Variants in LRP1B observed in about 807,000 individuals in gnomAD.
The protein encoded by LRP1B is low-density lipoprotein receptor-related protein 1B.
Under a neutral mutation model 556.6 loss-of-function variants are expected in LRP1B, and 217 were observed. The ratio of observed to expected loss-of-function variants is 0.39; its 90% CI spans 0.35 to 0.44. LRP1B has a LOEUF of 0.44. LRP1B is among the 20% of genes least tolerant of loss of function. LRP1B has a pLI of 1.00. For missense variants in LRP1B, 5,053 were observed against 5,620.8 expected (o/e 0.90, Z 3.23); for synonymous variants, 2,047 against 1,865.8 (o/e 1.10, Z -2.50).
At chr2:141,641,440 T>C (rs958393725) in intron 2 of LRP1B, among the ~76,000 whole-genome samples, 1 of 152,220 alleles carries the variant, frequency 6.6e-6, no homozygotes, top group East Asian at 1.9e-4. Flanking sequence ...AATATTCATT[T>C]TATTTTCATT....
chr2:141,278,165 A>G (rs1307043173), intron 3 of LRP1B, among the ~76,000 whole-genome samples: 2 of 152,124 alleles, frequency 1.3e-5, no homozygotes, highest in Admixed American at 1.3e-4. Flanking sequence ...AAGGAAAAAA[A>G]TATAATAAAG....
chr2:140,523,513 A>G (rs1308322864), intron 49 of LRP1B, among the ~76,000 whole-genome samples: 3 of 151,282 alleles, frequency 2.0e-5, no homozygotes, highest in Non-Finnish European at 4.4e-5. Flanking sequence ...CCTTTTCAAC[A>G]TAGTATAGGA....
At chr2:141,390,202 T>C (rs1294038909) in intron 3 of LRP1B, among the ~76,000 whole-genome samples, 4 of 152,140 alleles carry the variant, frequency 2.6e-5, no homozygotes, top group African/African-American at 7.2e-5. Context: ...ATGCTCAACA[T>C]CATTCATCAT....
At chr2:141,167,496 T>C (rs1223851714) in intron 7 of LRP1B, 1 of 151,824 alleles carries the variant, frequency 6.6e-6, no homozygotes, top group Non-Finnish European at 1.5e-5. Context: ...CTTCATTTCT[T>C]CTTTCCAGGC....
chr2:141,375,769 G>A (rs1388235006), intron 3 of LRP1B, among the ~76,000 whole-genome samples: 8 of 152,134 alleles, frequency 5.3e-5, no homozygotes, highest in Non-Finnish European at 7.4e-5. Context: ...GCAAGAAGCC[G>A]TGGGTGGTGC....
At chr2:140,978,257 T>C (rs557748523) in intron 18 of LRP1B, among the ~76,000 whole-genome samples, 44 of 152,294 alleles carry the variant, frequency 2.9e-4, no homozygotes, top group Non-Finnish European at 4.3e-4. Context: ...TAAATTCCAG[T>C]GAAAACCTGA....
chr2:140,770,797 G>C (rs1251136394), intron 34 of LRP1B, 84 bp downstream of exon 34: 1 of 1,170,562 alleles, frequency 8.5e-7, no homozygotes, highest in Non-Finnish European at 1.2e-6. Flanking sequence ...ATGTTTAACT[G>C]ACTTTGGTTG....
chr2:140,476,666 A>G (rs1161104815), intron 59 of LRP1B, among the ~76,000 whole-genome samples: 2 of 152,036 alleles, frequency 1.3e-5, no homozygotes, highest in Admixed American at 1.3e-4. Flanking sequence ...TATAAAGATA[A>G]TACAAAAGTT....
At position 141,521,523 on chromosome 2, in the gene LRP1B, T is replaced by TG. The variant is rs1344052038; in HGVS notation, c.206-40991_206-40990insC. ...TCATCTTTACTTGGAAGTAATTTTT[T>TG]TTATTTCTAATGATTAAATAGAGTA... On this transcript the variant is annotated intron_variant, in intron 2 of 90. Transcript: ENST00000389484. 2.0e-5 allele frequency among the ~76,000 whole-genome samples: 3 copies of TG among 151,734 alleles called. No individual in the cohort carries two copies. The East Asian group carries it at 5.8e-4, about 29-fold the overall frequency.
rs71391673 is a variant in LRP1B, at chr2:142,107,459, G to GC, written c.82+23188dup. On this transcript the variant is annotated intron_variant, in intron 1 of 90. Coordinates refer to ENST00000389484, the MANE Select transcript of LRP1B (RefSeq NM_018557.3). ...TGCTATGGGCTGACGCAGCAAAAGG[G>GC]CCCCACCAGATGCTGACACCTTAAT... 7.4e-3 allele frequency among the ~76,000 whole-genome samples: 1,125 copies of GC among 152,142 alleles called. 14 individuals carry two copies. The highest frequency in any genetic ancestry group is 0.014 in the Non-Finnish European group (925 of 67,998).
intron 3 of LRP1B, among the ~76,000 whole-genome samples, chr2:141,379,187 A>T (rs144051545): frequency 3.9e-5 from 6 of 152,300 alleles, no homozygotes; most frequent in African/African-American, 1.4e-4. Context: ...AGAACACGTG[A>T]AGACTGGAAT....
At chr2:140,928,433 C>T (rs932467077) in intron 20 of LRP1B, among the ~76,000 whole-genome samples, 4 of 152,082 alleles carry the variant, frequency 2.6e-5, no homozygotes, top group Non-Finnish European at 5.9e-5. Flanking sequence ...CTGTGGTGGT[C>T]ATTCAAAGAC....
chr2:140,248,003 C>T (rs1429815551), intron 86 of LRP1B, among the ~76,000 whole-genome samples: 2 of 151,448 alleles, frequency 1.3e-5, no homozygotes, highest in African/African-American at 4.8e-5. Context: ...CTGTCAAATA[C>T]CACCATATCA....
chr2:140,759,068 A>G (rs1281843644), intron 35 of LRP1B, among the ~76,000 whole-genome samples: 1 of 152,188 alleles, frequency 6.6e-6, no homozygotes, highest in Admixed American at 6.5e-5. Context: ...CCTGAAGAAC[A>G]GAGCAGATGA....
chr2:141,129,710 A>G (rs1701301928), intron 7 of LRP1B, among the ~76,000 whole-genome samples: 1 of 152,096 alleles, frequency 6.6e-6, no homozygotes, highest in African/African-American at 2.4e-5. Context: ...TTCAACAAAA[A>G]TATTTTATAA....
intron 52 of LRP1B, among the ~76,000 whole-genome samples, chr2:140,509,107 CACAG>C (rs754496457): frequency 3.4e-5 from 5 of 148,172 alleles, no homozygotes; most frequent in Non-Finnish European, 6.0e-5. Context: ...CACACACACA[CACAG>C]ACACTTATAT....
chr2:140,801,712 A>T (rs1690520600), intron 32 of LRP1B, among the ~76,000 whole-genome samples: 1 of 152,122 alleles, frequency 6.6e-6, no homozygotes. Flanking sequence ...AAGATTTAGT[A>T]AATGAAAATG....
chr2:140,614,345 T>G (rs999884185), intron 41 of LRP1B, among the ~76,000 whole-genome samples: 1 of 152,096 alleles, frequency 6.6e-6, no homozygotes, highest in Admixed American at 6.6e-5. Context: ...ATTTCAGAGA[T>G]TTAAGGTTTA....
At chr2:141,927,362 AT>A (rs1700362429) in intron 1 of LRP1B, among the ~76,000 whole-genome samples, 1 of 152,146 alleles carries the variant, frequency 6.6e-6, no homozygotes, top group African/African-American at 2.4e-5. Flanking sequence ...AAAGTTTTGA[AT>A]TTTTAAAAAG....
Sources: allele counts gnomAD v4.1 joint callset (sites outside exome capture counted in the v4.1 genomes callset), GRCh38; gene constraint gnomAD v4.1.1; transcripts MANE v1.5; gene names NCBI Gene and HGNC (gene_info 2026-07-23, HGNC 2026-07-21).